Variants in TBXAS1 observed in about 807,000 individuals in gnomAD.
TBXAS1 encodes thromboxane A synthase 1, also known as thromboxane-A synthase.
Under a neutral mutation model 60.7 loss-of-function variants are expected in TBXAS1, and 48 were observed. The observed-to-expected ratio is 0.79, with a 90% CI of 0.63 to 1.01. TBXAS1 has a LOEUF of 1.01. Among genes scored for constraint, TBXAS1 ranks in the 50% least tolerant of loss-of-function variants. TBXAS1 has a pLI of 0.00. For missense variants in TBXAS1, 685 were observed against 686.3 expected (o/e 1.00, Z 0.02); for synonymous variants, 287 against 269.7 (o/e 1.06, Z -0.63).
intron 1 of TBXAS1, among the ~76,000 whole-genome samples, chr7:139,858,698 A>G (rs1206399900): frequency 5.3e-5 from 8 of 152,186 alleles, no homozygotes; most frequent in Non-Finnish European, 1.2e-4. Context: ...GCTGAGCCCA[A>G]GCAACCTTGC....
At chr7:139,938,679 G>A (rs1364637840) in intron 5 of TBXAS1, among the ~76,000 whole-genome samples, 2 of 152,184 alleles carry the variant, frequency 1.3e-5, no homozygotes, top group African/African-American at 4.8e-5. Flanking sequence ...AGGAGAGGTA[G>A]GTGAGCCTAG....
In TBXAS1 at chr7:139,981,815, C is replaced by T. The variant is rs116119034; in HGVS notation, c.1134+19582C>T. On this transcript the variant is annotated intron_variant, in intron 9 of 12. Transcript: ENST00000448866. Reference sequence around the variant, plus strand: ...AAGGTTTGTGGCTGCAGCATCCAGGCGAGCCAAAGGTGTCAGTGCCACCAA... The same window carrying T: ...AAGGTTTGTGGCTGCAGCATCCAGGTGAGCCAAAGGTGTCAGTGCCACCAA... 7.1e-3 allele frequency among the ~76,000 whole-genome samples: 1,074 copies of T among 152,222 alleles called. 7 individuals are homozygous for T. Among genetic ancestry groups the T allele is most frequent in the South Asian group, 0.013 (62 of 4,814 alleles).
At chr7:139,787,239 AATATG>A (rs1320902652) in intron 3 of TBXAS1, 8 of 152,170 alleles carry the variant, frequency 5.3e-5, no homozygotes, top group Non-Finnish European at 2.9e-5. Flanking sequence ...TTTCTTTTGG[AATATG>A]GCAATATCTT....
chr7:139,808,877 G>A (rs963708498), intron 4 of TBXAS1, among the ~76,000 whole-genome samples: 3 of 151,778 alleles, frequency 2.0e-5, no homozygotes, highest in African/African-American at 7.3e-5. Flanking sequence ...AGAATTGATG[G>A]TGCCTTTTCT....
chr7:139,853,947 C>T (rs1354366862), intron 1 of TBXAS1, among the ~76,000 whole-genome samples: 1 of 152,154 alleles, frequency 6.6e-6, no homozygotes, highest in Non-Finnish European at 1.5e-5. Context: ...CCAGGATAGC[C>T]TGGGTGGGCT....
At chr7:139,980,797 C>A (rs1267183084) in intron 9 of TBXAS1, among the ~76,000 whole-genome samples, 4 of 151,930 alleles carry the variant, frequency 2.6e-5, no homozygotes, top group African/African-American at 9.7e-5. Flanking sequence ...TCCAAAGACT[C>A]CTTAAGGCCA....
chr7:139,946,430 A>G (rs1808720755), intron 5 of TBXAS1, among the ~76,000 whole-genome samples: 1 of 152,240 alleles, frequency 6.6e-6, no homozygotes, highest in Non-Finnish European at 1.5e-5. Flanking sequence ...TAAGACTACA[A>G]AGATGCTTAG....
intron 1 of TBXAS1, among the ~76,000 whole-genome samples, chr7:139,856,804 A>C (rs1223378613): frequency 6.6e-6 from 1 of 152,178 alleles, no homozygotes; most frequent in Admixed American, 6.5e-5. Context: ...GAATCACTCC[A>C]TAATCGGTGG....
rs530013768 is a variant in TBXAS1 at position 139,817,723 on chromosome 7, G to A, written c.-79-11589G>A. ...GACTCAAGAACTCACTGCTCTCTCTGCACCTCTTCTTTTCTTTATGGTATT... is the reference window on the plus strand; with the variant it reads ...GACTCAAGAACTCACTGCTCTCTCTACACCTCTTCTTTTCTTTATGGTATT... On this transcript the variant is annotated intron_variant, in intron 4 of 16. Transcript: ENST00000336425. Among the ~76,000 whole-genome samples, 78 of 152,214 alleles carry A rather than the reference G, an allele frequency of 5.1e-4. No homozygotes were observed. The South Asian group carries it at 8.7e-3, about 17-fold the overall frequency.
intron 3 of TBXAS1, among the ~76,000 whole-genome samples, chr7:139,892,784 T>C (rs541957029): frequency 2.0e-5 from 3 of 152,290 alleles, no homozygotes; most frequent in Admixed American, 6.5e-5. Context: ...AGCCTGCATC[T>C]TGGGGAGTCT....
intron 9 of TBXAS1, among the ~76,000 whole-genome samples, chr7:139,994,040 T>C (rs1164170156): frequency 1.3e-5 from 2 of 151,504 alleles, no homozygotes; most frequent in Non-Finnish European, 2.9e-5. Flanking sequence ...TGCACAACCA[T>C]GCCCAGCTGA....
At chr7:139,828,391 T>G (rs371106358), upstream of TBXAS1, among the ~76,000 whole-genome samples, 1 of 152,210 alleles carries the variant, frequency 6.6e-6, no homozygotes, top group Non-Finnish European at 1.5e-5. Flanking sequence ...TATTGGGGGA[T>G]TGTGTTGGGA....
intron 1 of TBXAS1, among the ~76,000 whole-genome samples, chr7:139,849,044 T>C (rs1214153572): frequency 6.6e-6 from 1 of 152,060 alleles, no homozygotes; most frequent in Non-Finnish European, 1.5e-5. Flanking sequence ...TAACTTTTAT[T>C]GTAAGTGAAA....
Position 139,955,351 on chromosome 7 carries a change from G to A in TBXAS1, c.540-108G>A. The A allele has an allele frequency of 2.1e-6, 3 of 1,440,102 alleles. No homozygotes were observed. The South Asian group carries it at 3.4e-5, about 17-fold the overall frequency. 89.2% of individuals were successfully genotyped at this position (1,440,102 alleles called of 1,614,324 possible). A position where few individuals can be genotyped will look rare whatever the true frequency, so the allele number is the denominator to read the frequency against. ...CTCCTCTTCCAGACACATCTGCAGGGCTGGGCAAGCCAGTGTAAGCAATTC... is the reference window on the plus strand; with the variant it reads ...CTCCTCTTCCAGACACATCTGCAGGACTGGGCAAGCCAGTGTAAGCAATTC... On this transcript the variant is annotated intron_variant, in intron 6 of 12. Transcript: ENST00000448866.
intron 4 of TBXAS1, among the ~76,000 whole-genome samples, chr7:139,794,732 T>C (rs1461918092): frequency 2.7e-5 from 4 of 145,990 alleles, no homozygotes; most frequent in Non-Finnish European, 4.5e-5. Flanking sequence ...ATCTCATTGT[T>C]CAATTCCCAC....
chr7:139,875,561 A>T, intron 2 of TBXAS1, 24 bp from the exon 3 acceptor site: 2 of 1,608,572 alleles, frequency 1.2e-6, no homozygotes, highest in Non-Finnish European at 1.7e-6. Flanking sequence ...TCTTATTCTT[A>T]CTATAGTGCT....
intron 3 of TBXAS1, among the ~76,000 whole-genome samples, chr7:139,903,313 T>C (rs1345341957): frequency 6.6e-6 from 1 of 152,100 alleles, no homozygotes; most frequent in African/African-American, 2.4e-5. Flanking sequence ...CCACCATACA[T>C]ATATACCACA....
chr7:139,935,654 C>T (rs41733), intron 4 of TBXAS1, among the ~76,000 whole-genome samples: 147,438 of 152,238 alleles, frequency 0.97, 71,453 homozygotes, highest in Non-Finnish European at 0.99. Context: ...GGCATGCTCC[C>T]GGAAGCAGTT....
At position 139,975,386 on chromosome 7, in the gene TBXAS1, G is replaced by A. The variant is rs1377301785; in HGVS notation, c.1134+13153G>A. Among the ~76,000 whole-genome samples the A allele has an allele frequency of 6.6e-6, 1 of 152,154 alleles. No individual in the cohort carries two copies. The highest frequency in any genetic ancestry group is 1.9e-4 in the East Asian group (1 of 5,184). On this transcript the variant is annotated intron_variant, in intron 9 of 12. Transcript: ENST00000448866. The surrounding 1 kb of genome is among the most constrained non-coding windows in gnomAD (Gnocchi z 4.4). The stretch of plus-strand genomic sequence containing the variant: ...GGCACTCACGTTTCCCGACTCCTTA[G>A]TCTGTATTCTTTTCAACCTTGTCTC...
Sources: allele counts gnomAD v4.1 joint callset (sites outside exome capture counted in the v4.1 genomes callset), GRCh38; gene constraint gnomAD v4.1.1; non-coding constraint Gnocchi (gnomAD v3.1); transcripts MANE v1.5; gene names NCBI Gene and HGNC (gene_info 2026-07-23, HGNC 2026-07-21).